Variants in RBFOX1 observed in about 807,000 individuals in gnomAD.
RBFOX1 encodes the protein RNA binding fox-1 homolog 1, also known as RNA binding protein fox-1 homolog 1.
RBFOX1 carries 8 observed loss-of-function variants against 57.7 expected under a neutral mutation model. The observed-to-expected ratio is 0.14, with a 90% CI of 0.08 to 0.25. RBFOX1 has a LOEUF of 0.25. Among genes scored for constraint, RBFOX1 ranks in the 10% least tolerant of loss-of-function variants. The pLI, the probability that RBFOX1 is intolerant of heterozygous loss-of-function variation, is 1.00. For synonymous variants in RBFOX1, 326 were observed against 222.4 expected (o/e 1.47, Z -4.15); for missense variants, 611 against 548.5 (o/e 1.11, Z -1.14).
At chr16:5,480,523 C>G (rs1379355225) in intron 2 of RBFOX1, among the ~76,000 whole-genome samples, 1 of 152,176 alleles carries the variant, frequency 6.6e-6, no homozygotes, top group Non-Finnish European at 1.5e-5. Flanking sequence ...TTAGACAATT[C>G]AAATGGTATA....
intron 1 of RBFOX1, among the ~76,000 whole-genome samples, chr16:5,388,162 C>T (rs1475080781): frequency 1.3e-5 from 2 of 152,152 alleles, no homozygotes; most frequent in Non-Finnish European, 2.9e-5. Context: ...GTGTTTTAAG[C>T]CACTAATTTG....
intron 2 of RBFOX1, among the ~76,000 whole-genome samples, chr16:6,499,809 G>A (rs1476254972): frequency 6.6e-6 from 1 of 152,072 alleles, no homozygotes; most frequent in East Asian, 1.9e-4. Context: ...AGTCATTAGG[G>A]CATTCGCGGG....
chr16:7,024,903 A>C (rs2040431917), intron 3 of RBFOX1, among the ~76,000 whole-genome samples: 1 of 151,978 alleles, frequency 6.6e-6, no homozygotes, highest in East Asian at 1.9e-4. Flanking sequence ...CACCTGCTGC[A>C]CTCCTCACTT....
chr16:5,371,097 G>A (rs1034279946), intron 1 of RBFOX1, among the ~76,000 whole-genome samples: 1 of 152,278 alleles, frequency 6.6e-6, no homozygotes, highest in Admixed American at 6.5e-5. Context: ...ACAGGTGTGC[G>A]CCATCACGCC....
chr16:6,575,426 C>T (rs1179456432), intron 2 of RBFOX1, among the ~76,000 whole-genome samples: 1 of 152,140 alleles, frequency 6.6e-6, no homozygotes, highest in South Asian at 2.1e-4. Context: ...TTACCATGAG[C>T]TGATTGATAC....
chr16:5,399,592 A>C (rs2151435849), intron 1 of RBFOX1, among the ~76,000 whole-genome samples: 1 of 152,106 alleles, frequency 6.6e-6, no homozygotes, highest in African/African-American at 2.4e-5. Context: ...AATTAGCTGG[A>C]TGTGGTGGTG....
At chr16:7,152,951 G>C (rs1221460105) in intron 4 of RBFOX1, among the ~76,000 whole-genome samples, 2 of 152,196 alleles carry the variant, frequency 1.3e-5, no homozygotes, top group South Asian at 2.1e-4. Flanking sequence ...GGGAACCAAG[G>C]AGTGGCCATT....
At chr16:6,088,725 C>T (rs1167434666) in intron 1 of RBFOX1, among the ~76,000 whole-genome samples, 1 of 152,142 alleles carries the variant, frequency 6.6e-6, no homozygotes, top group Non-Finnish European at 1.5e-5. Flanking sequence ...CAATGACTTG[C>T]AGACTGTAGG....
chr16:6,297,212 C>A (rs1484340822), intron 1 of RBFOX1, among the ~76,000 whole-genome samples: 1 of 152,098 alleles, frequency 6.6e-6, no homozygotes, highest in African/African-American at 2.4e-5. Context: ...TCAGCAAGAT[C>A]TTTATGACCT....
At chr16:5,316,073 C>G (rs548628305) in intron 1 of RBFOX1, among the ~76,000 whole-genome samples, 6 of 152,338 alleles carry the variant, frequency 3.9e-5, no homozygotes, top group Non-Finnish European at 8.8e-5. Flanking sequence ...CATACATTGG[C>G]TGCTTTTCCG....
At chr16:5,772,711 A>G (rs931130186) in intron 3 of RBFOX1, among the ~76,000 whole-genome samples, 2 of 152,208 alleles carry the variant, frequency 1.3e-5, no homozygotes, top group South Asian at 4.1e-4. Context: ...CAATTTGCTG[A>G]GAGGAACAGA....
intron 3 of RBFOX1, among the ~76,000 whole-genome samples, chr16:6,993,803 G>A (rs1195133570): frequency 6.6e-6 from 1 of 152,170 alleles, no homozygotes; most frequent in Non-Finnish European, 1.5e-5. Flanking sequence ...AAACTGTATT[G>A]CTGCATTTGA....
chr16:7,582,513 G>A (rs1367217955), intron 6 of RBFOX1, among the ~76,000 whole-genome samples: 1 of 152,120 alleles, frequency 6.6e-6, no homozygotes, highest in African/African-American at 2.4e-5. Flanking sequence ...AACACCGGTG[G>A]TCATGGAGCC....
intron 3 of RBFOX1, among the ~76,000 whole-genome samples, chr16:5,850,427 A>G (rs927435836): frequency 4.6e-5 from 7 of 152,182 alleles, no homozygotes; most frequent in Admixed American, 3.3e-4. Flanking sequence ...GGAAGAAGAA[A>G]TAAAATATTA....
At position 7,258,466 on chromosome 16, in the gene RBFOX1, C is replaced by A. The variant is rs1036029090; in HGVS notation, c.27+206368C>A. On this transcript the variant is annotated intron_variant, in intron 4 of 15. Transcript: ENST00000550418. ...TTTCATCTTCTATATTCTCCTAAAC[C>A]CTCTCTCTCTCTCTGTCAAGGGGGG... Among the ~76,000 whole-genome samples the A allele has an allele frequency of 6.6e-5, 10 of 150,606 alleles. No homozygotes were observed. The South Asian group carries it at 1.9e-3, about 28-fold the overall frequency.
chr16:5,610,615 G>A (rs1319460164), intron 3 of RBFOX1: 1 of 152,120 alleles, frequency 6.6e-6, no homozygotes. Flanking sequence ...GGTTGAGGCA[G>A]GAGGTCAGTT....
intron 1 of RBFOX1, among the ~76,000 whole-genome samples, chr16:6,269,719 C>G (rs1283324024): frequency 6.6e-6 from 1 of 152,010 alleles, no homozygotes; most frequent in African/African-American, 2.4e-5. Flanking sequence ...GCTGGTCTAC[C>G]TTAAAAGAAT....
intron 14 of RBFOX1, among the ~76,000 whole-genome samples, chr16:7,702,230 A>G (rs1331534356): frequency 6.6e-6 from 1 of 152,194 alleles, no homozygotes; most frequent in Non-Finnish European, 1.5e-5. Context: ...GAGACTGATC[A>G]TTTCAGAGAT....
chr16:6,856,451 C>G (rs1318630824), intron 3 of RBFOX1, among the ~76,000 whole-genome samples: 2 of 152,098 alleles, frequency 1.3e-5, no homozygotes. Flanking sequence ...GCAGGACCAC[C>G]TGAGCCACTG....
Sources: allele counts gnomAD v4.1 joint callset (sites outside exome capture counted in the v4.1 genomes callset), GRCh38; gene constraint gnomAD v4.1.1; transcripts MANE v1.5; gene names NCBI Gene and HGNC (gene_info 2026-07-23, HGNC 2026-07-21).